Variants in TMEM132E observed in about 807,000 individuals in gnomAD.
TMEM132E encodes transmembrane protein 132E.
TMEM132E carries 49 observed loss-of-function variants against 78.5 expected under a neutral mutation model. The observed-to-expected ratio is 0.62, with a 90% confidence interval of 0.50 to 0.79. The LOEUF (loss-of-function observed/expected upper bound fraction) is 0.79, where lower values mean the gene tolerates loss of function less well. Among genes scored for constraint, TMEM132E ranks in the 30% least tolerant of loss-of-function variants. The pLI is 0.00. For missense variants in TMEM132E, 1,403 were observed against 1,470.9 expected (o/e 0.95, Z 0.75); for synonymous variants, 715 against 670.6 (o/e 1.07, Z -1.02).
intron 1 of TMEM132E, among the ~76,000 whole-genome samples, chr17:34,620,984 G>A (rs1268557425): frequency 6.6e-6 from 1 of 152,202 alleles, no homozygotes; most frequent in Non-Finnish European, 1.5e-5. Flanking sequence ...TATGGAAAGG[G>A]TCCCTCGCTA....
At chr17:34,620,926 T>C (rs933861533) in intron 1 of TMEM132E, among the ~76,000 whole-genome samples, 21 of 152,174 alleles carry the variant, frequency 1.4e-4, no homozygotes, top group African/African-American at 4.6e-4. Flanking sequence ...CCACTATTCA[T>C]GTATTTGTCT....
intron 1 of TMEM132E, among the ~76,000 whole-genome samples, chr17:34,591,349 G>A (rs955700820): frequency 6.0e-5 from 9 of 149,030 alleles, no homozygotes; most frequent in African/African-American, 2.2e-4. Context: ...CTGTCACCCA[G>A]GCTGGAGTGT....
intron 1 of TMEM132E, among the ~76,000 whole-genome samples, 183 bp downstream of exon 1, chr17:34,581,326 G>C (rs1215940030): frequency 6.6e-6 from 1 of 151,714 alleles, no homozygotes; most frequent in African/African-American, 2.4e-5. Context: ...GCTCAGCTGA[G>C]GGGACCGAGC....
At chr17:34,633,684 G>C (rs563224386) in intron 6 of TMEM132E, among the ~76,000 whole-genome samples, 1 of 152,356 alleles carries the variant, frequency 6.6e-6, no homozygotes, top group East Asian at 1.9e-4. Flanking sequence ...ATTGGGCTGA[G>C]TTCAACTCAG....
intron 1 of TMEM132E, among the ~76,000 whole-genome samples, chr17:34,613,207 ACACACG>A (rs1906659760): frequency 3.7e-4 from 31 of 83,016 alleles, no homozygotes; most frequent in African/African-American, 1.0e-3. Flanking sequence ...CCACACACAC[ACACACG>A]CGCGCGCGCG....
intron 1 of TMEM132E, among the ~76,000 whole-genome samples, chr17:34,594,191 A>G (rs1030078422): frequency 1.3e-5 from 2 of 152,150 alleles, no homozygotes; most frequent in African/African-American, 4.8e-5. Flanking sequence ...TCACTGCTGT[A>G]TCCCCAACCC....
At chr17:34,584,807 T>C (rs1905609765) in intron 1 of TMEM132E, among the ~76,000 whole-genome samples, 2 of 152,178 alleles carry the variant, frequency 1.3e-5, no homozygotes, top group South Asian at 2.1e-4. Context: ...ACAAGACCCA[T>C]GTGTCTCCGG....
intron 1 of TMEM132E, among the ~76,000 whole-genome samples, chr17:34,619,896 G>A (rs1906903278): frequency 1.3e-5 from 2 of 152,366 alleles, no homozygotes; most frequent in South Asian, 4.1e-4. Flanking sequence ...ACACAGAGGT[G>A]AGCAGGCCAA....
At position 34,637,269 on chromosome 17, in the gene TMEM132E, C is replaced by T. The variant is rs1343461723; in HGVS notation, c.2262C>T (p.Ser754=). 6.2e-7 allele frequency: 1 copy of T among 1,614,112 alleles called. No individual in the cohort carries two copies. Among genetic ancestry groups the T allele is most frequent in the South Asian group, 1.1e-5 (1 of 91,082 alleles). ...YSPRDYGLLV[S]SLDEHVATVT... The stretch of plus-strand genomic sequence containing the variant: ...CACGAGACTATGGACTGCTAGTGAG[C>T]AGCCTGGATGAGCATGTGGCCACTG... The change falls in exon 9 of 9, where the codon AGC becomes AGT. Residue 754 remains serine (S), a synonymous_variant. Coordinates refer to ENST00000631683, the MANE Select transcript of TMEM132E (RefSeq NM_001304438.2).
At chr17:34,607,368 T>C (rs1906449555) in intron 1 of TMEM132E, among the ~76,000 whole-genome samples, 1 of 152,104 alleles carries the variant, frequency 6.6e-6, no homozygotes, top group East Asian at 1.9e-4. Flanking sequence ...GGAACCAGGG[T>C]TGACTTGGGG....
chr17:34,634,846 G>A lies in TMEM132E; in HGVS notation c.1736G>A (p.Arg579Gln), dbSNP rs753203473. 42 of 1,613,894 alleles carry A rather than the reference G, an allele frequency of 2.6e-5. No homozygotes were observed. Among genetic ancestry groups the A allele is most frequent in the South Asian group, 7.7e-5 (7 of 91,078 alleles). ...GAGGATGAGGAGGAGGAGGAGCGGC[G>A]GCAGAGTGCAAGCCGTGGCTGCACC... The part of the protein sequence containing the change: ...EDEDEEEEER[R>Q]QSASRGCTLQ... Residue 579 changes from arginine (R) to glutamine (Q), a missense_variant, in exon 7 of 9, where the codon CGG becomes CAG. By Grantham distance (43) the Arg-to-Gln change is conservative. Transcript: ENST00000631683.
intron 1 of TMEM132E, among the ~76,000 whole-genome samples, chr17:34,589,890 A>G (rs763314854): frequency 2.0e-5 from 3 of 152,172 alleles, no homozygotes; most frequent in Non-Finnish European, 4.4e-5. Flanking sequence ...GCAAGGAACT[A>G]TTGGATTGGA....
At chr17:34,598,562 C>T (rs1906131054) in intron 1 of TMEM132E, among the ~76,000 whole-genome samples, 1 of 152,118 alleles carries the variant, frequency 6.6e-6, no homozygotes, top group South Asian at 2.1e-4. Flanking sequence ...CCAGGACAGC[C>T]CTGCCCACCC....
In TMEM132E at chr17:34,591,307, A is replaced by ATTTTT. The variant is rs60612426; in HGVS notation, c.67+10173_67+10177dup. On this transcript the variant is annotated intron_variant, in intron 1 of 8. Coordinates refer to ENST00000631683, the MANE Select transcript of TMEM132E (RefSeq NM_001304438.2). ...AGAGAGAGATGGGATCTCCCTCACT[A>ATTTTT]TTTTTTTTTTTTTGAAAGACAAAGT... Among the ~76,000 whole-genome samples the ATTTTT allele has an allele frequency of 2.5e-4, 36 of 146,678 alleles. No individual in the cohort carries two copies. In the East Asian group the frequency reaches 4.0e-3, roughly 16 times the overall value.
intron 1 of TMEM132E, among the ~76,000 whole-genome samples, chr17:34,600,267 C>T (rs1446573565): frequency 1.3e-5 from 2 of 152,142 alleles, no homozygotes; most frequent in African/African-American, 2.4e-5. Flanking sequence ...GGTGGGCTAA[C>T]CTGGAAACGT....
At position 34,638,640 on chromosome 17, in the gene TMEM132E, T is replaced by C. The variant is rs138718951; in HGVS notation, c.*408T>C. ...CGTGTCGTCCCCCTGTGCAGGGGGTTCTGTGGGGGTCTTGTGTCACAGGCT... is the reference window on the plus strand; with the variant it reads ...CGTGTCGTCCCCCTGTGCAGGGGGTCCTGTGGGGGTCTTGTGTCACAGGCT... On this transcript the variant is annotated 3_prime_UTR_variant, in exon 9 of 9. Transcript: ENST00000631683. 4.9e-5 allele frequency: 9 copies of C among 182,456 alleles called. No homozygotes were observed. In the East Asian group the frequency reaches 7.2e-4, roughly 15 times the overall value. 11.3% of individuals were successfully genotyped at this position (182,456 alleles called of 1,614,324 possible). A position where few individuals can be genotyped will look rare whatever the true frequency, so the allele number is the denominator to read the frequency against.
At position 34,626,603 on chromosome 17, in the gene TMEM132E, C is replaced by T; in HGVS notation, c.544C>T (p.Leu182Phe). 7.2e-6 allele frequency: 11 copies of T among 1,528,530 alleles called. No individual in the cohort carries two copies. The highest frequency in any genetic ancestry group is 9.6e-6 in the Non-Finnish European group (11 of 1,143,112). 94.7% of individuals were successfully genotyped at this position (1,528,530 alleles called of 1,614,324 possible). Residue 182 changes from leucine to phenylalanine, a missense_variant, in exon 2 of 9, where the codon CTC becomes TTC. Around this residue, in one of 3 missense-constraint regions of TMEM132E, gnomAD observed 511 missense variants for 499.0 expected, o/e 1.02. Transcript: ENST00000631683. ...CCGGGAAGTCAAGAGCTCCTGCCGC[C>T]TCAGCGGGGGCCTGGCCACTTGTCT... is the stretch of plus-strand genomic sequence containing the variant. ...DAREVKSSCRLSGGLATCLVR... is the reference protein window; with the variant it reads ...DAREVKSSCRFSGGLATCLVR...
At chr17:34,609,637 G>A (rs971514994) in intron 1 of TMEM132E, among the ~76,000 whole-genome samples, 1 of 152,192 alleles carries the variant, frequency 6.6e-6, no homozygotes, top group Non-Finnish European at 1.5e-5. Flanking sequence ...GCACCACCTT[G>A]TGGTCTCATT....
chr17:34,632,719 G>A lies in TMEM132E; in HGVS notation c.1498G>A (p.Asp500Asn). 6.2e-7 allele frequency: 1 copy of A among 1,614,176 alleles called. No individual in the cohort carries two copies. The highest frequency in any genetic ancestry group is 8.5e-7 in the Non-Finnish European group (1 of 1,180,032). ...CTTCCCCCAGGTATCCAGCAGCTGT[G>A]ACTACGTGTTTGTGAGTGGAAAAGA... ...EDIIKVSSSC[D>N]YVFVSGKESR... is the part of the protein sequence containing the mutation. Residue 500 changes from aspartate to asparagine, a missense_variant, in exon 6 of 9, where the codon GAC (aspartate) becomes AAC (asparagine). Around this residue, in one of 3 missense-constraint regions of TMEM132E, gnomAD observed 888 missense variants for 952.8 expected, o/e 0.93. Coordinates refer to ENST00000631683, the MANE Select transcript of TMEM132E (RefSeq NM_001304438.2).
Sources: gnomAD v4.1 joint callset for allele counts (sites outside exome capture counted in the v4.1 genomes callset) on GRCh38, gnomAD v4.1.1 for gene constraint, gnomAD v4.1.1 regional missense constraint, MANE v1.5 for transcripts, NCBI Gene and HGNC (gene_info 2026-07-23, HGNC 2026-07-21) for gene names.